GRIA4: variants seen among roughly 807,000 people sequenced by gnomAD.
The protein encoded by GRIA4 is glutamate receptor 4.
Under a neutral mutation model 104.0 loss-of-function variants are expected in GRIA4, and 34 were observed. The observed-to-expected ratio is 0.33, with a 90% CI of 0.25 to 0.44. GRIA4 has a LOEUF of 0.44. GRIA4 is among the 20% of genes least tolerant of loss of function. The pLI is 1.00. For synonymous variants in GRIA4, 386 were observed against 381.9 expected (o/e 1.01, Z -0.13); for missense variants, 750 against 1,096.5 (o/e 0.68, Z 4.46).
At chr11:105,755,242 C>T (rs1940233833) in intron 4 of GRIA4, among the ~76,000 whole-genome samples, 1 of 151,698 alleles carries the variant, frequency 6.6e-6, no homozygotes, top group Non-Finnish European at 1.5e-5. Flanking sequence ...TGCCTTTAAT[C>T]CTCTTGCAAA....
intron 3 of GRIA4, among the ~76,000 whole-genome samples, chr11:105,737,162 T>C (rs779973049): frequency 2.6e-5 from 4 of 152,186 alleles, no homozygotes; most frequent in Non-Finnish European, 5.9e-5. Flanking sequence ...TGTATACTTG[T>C]ATAACTTTAA....
At position 105,610,198 on chromosome 11, in the gene GRIA4, G is replaced by A. The variant is rs1565398102; in HGVS notation, c.-321G>A. 1.3e-5 allele frequency: 2 copies of A among 152,374 alleles called. No individual in the cohort carries two copies. Among genetic ancestry groups the A allele is most frequent in the African/African-American group, 2.4e-5 (1 of 41,456 alleles). The allele number at this position is 152,374 out of a possible 1,614,324, so 9.4% of individuals were successfully genotyped here. Reference sequence around the variant, plus strand: ...GGGCATGGGGAGGTACTAACCCCCCGGAGCCCCCGATTGGGGCTTGCAGAC... The same window carrying A: ...GGGCATGGGGAGGTACTAACCCCCCAGAGCCCCCGATTGGGGCTTGCAGAC... On this transcript the variant is annotated 5_prime_UTR_variant, in exon 1 of 17. Transcript: ENST00000282499.
At position 105,924,556 on chromosome 11, in the gene GRIA4, A is replaced by G; in HGVS notation, c.1634A>G (p.Tyr545Cys). ...TTTTCCTTCTTGGATCCTCTGGCCT[A>G]TGAGATTTGGATGTGCATAGTCTTT... ...GVFSFLDPLA[Y>C]EIWMCIVFAY... Residue 545 changes from tyrosine to cysteine, a missense_variant, in exon 12 of 17, where the codon TAT becomes TGT. This residue lies in a region of GRIA4 where 272 missense variants were observed against 524.5 expected (regional missense o/e 0.52). Coordinates refer to ENST00000282499, the MANE Select transcript of GRIA4 (RefSeq NM_000829.4). 3 of 1,613,178 alleles carry G rather than the reference A, an allele frequency of 1.9e-6. No homozygotes were observed. Among genetic ancestry groups the G allele is most frequent in the East Asian group, 2.2e-5 (1 of 44,866 alleles).
Position 105,964,846 on chromosome 11 carries a change from G to T in GRIA4, c.2295-7068G>T, listed in dbSNP as rs187796611. ...TTTGAGACGAAGTTTTGCTCTTGTC[G>T]CCCAGGCTGGGGTGCAATGGCACAA... On this transcript the variant is annotated intron_variant, in intron 14 of 16. Coordinates refer to ENST00000282499, the MANE Select transcript of GRIA4 (RefSeq NM_000829.4). 3.6e-3 allele frequency among the ~76,000 whole-genome samples: 524 copies of T among 147,576 alleles called. 4 individuals are homozygous for T. Among genetic ancestry groups the T allele is most frequent in the African/African-American group, 0.013 (501 of 39,936 alleles).
chr11:105,751,229 C>T lies in GRIA4; in HGVS notation c.248-1752C>T, dbSNP rs563327943. Among the ~76,000 whole-genome samples the T allele has an allele frequency of 4.7e-4, 71 of 151,938 alleles. 2 individuals are homozygous for T. The South Asian group carries it at 0.014, about 31-fold the overall frequency. On this transcript the variant is annotated intron_variant, in intron 3 of 16. Transcript: ENST00000282499. ...TATCATGTAAAGCTTGAGAGTTGGC[C>T]CTCAGTTTGCAAGAAAATCAGTAGA...
rs1945483655 is a variant in GRIA4 at position 105,867,870 on chromosome 11, AC to A, written c.672+5663del. 2.6e-5 allele frequency among the ~76,000 whole-genome samples: 4 copies of A among 152,154 alleles called. No individual in the cohort carries two copies. In the South Asian group the frequency reaches 8.3e-4, roughly 31 times the overall value. On this transcript the variant is annotated intron_variant, in intron 5 of 16. Coordinates refer to ENST00000282499, the MANE Select transcript of GRIA4 (RefSeq NM_000829.4). ...ATAGGATTCAGTGGCATACACTCTG[AC>A]AGTAGGAATGAGCCAACAACTGTAG... is the stretch of plus-strand genomic sequence containing the variant.
chr11:105,743,438 C>G (rs374073781), intron 3 of GRIA4, among the ~76,000 whole-genome samples: 2 of 152,156 alleles, frequency 1.3e-5, no homozygotes, highest in African/African-American at 2.4e-5. Context: ...ACTTCATCTG[C>G]CAGGTCTCCT....
chr11:105,770,598 T>C (rs1401646276), intron 4 of GRIA4, among the ~76,000 whole-genome samples: 7 of 152,040 alleles, frequency 4.6e-5, no homozygotes, highest in African/African-American at 1.7e-4. Flanking sequence ...TATTTTCCAG[T>C]TGCCAAGTAG....
At chr11:105,654,747 C>T (rs1951792187) in intron 3 of GRIA4, among the ~76,000 whole-genome samples, 1 of 152,132 alleles carries the variant, frequency 6.6e-6, no homozygotes, top group Non-Finnish European at 1.5e-5. Flanking sequence ...CTTACAATGA[C>T]TGAGAAAGTT....
At chr11:105,949,662 A>G (rs1330660757) in intron 14 of GRIA4, among the ~76,000 whole-genome samples, 1 of 152,242 alleles carries the variant, frequency 6.6e-6, no homozygotes, top group Non-Finnish European at 1.5e-5. Flanking sequence ...TACAAATATT[A>G]GCAAATGAAT....
chr11:105,647,107 G>A (rs1345255433), intron 3 of GRIA4, among the ~76,000 whole-genome samples: 1 of 151,828 alleles, frequency 6.6e-6, no homozygotes, highest in Non-Finnish European at 1.5e-5. Context: ...TTACAAGAAA[G>A]AAATAAACCC....
chr11:105,634,467 GGGAAAGAAA>G (rs1565419749), intron 3 of GRIA4, among the ~76,000 whole-genome samples: 2 of 90,216 alleles, frequency 2.2e-5, no homozygotes, highest in African/African-American at 8.8e-5. Context: ...AAGAAAGAAA[GGGAAAGAAA>G]GAAAGAAAGA....
In GRIA4 at chr11:105,610,997, G is replaced by C; in HGVS notation, c.-1G>C. The C allele has an allele frequency of 1.2e-6, 2 of 1,606,784 alleles. No homozygotes were observed. The highest frequency in any genetic ancestry group is 2.2e-5 in the South Asian group (2 of 90,896). ...GCGCGCCAGGGAGAGGAGAAAAGAA[G>C]ATGAGGATTATTTCCAGACAGATTG... is the stretch of plus-strand genomic sequence containing the variant. On this transcript the variant is annotated 5_prime_UTR_variant, in exon 2 of 17. Transcript: ENST00000282499.
At chr11:105,931,923 A>T (rs1224315881) in intron 13 of GRIA4, among the ~76,000 whole-genome samples, 3 of 152,164 alleles carry the variant, frequency 2.0e-5, no homozygotes, top group Non-Finnish European at 4.4e-5. Context: ...TATGTTGATT[A>T]GTAAAGAACT....
intron 3 of GRIA4, among the ~76,000 whole-genome samples, chr11:105,660,462 A>C (rs1349327252): frequency 6.6e-6 from 1 of 151,634 alleles, no homozygotes; most frequent in East Asian, 1.9e-4. Flanking sequence ...TATCAATCAA[A>C]TTTGAGAGTA....
At chr11:105,722,180 A>T (rs1321537521) in intron 3 of GRIA4, among the ~76,000 whole-genome samples, 2 of 152,154 alleles carry the variant, frequency 1.3e-5, no homozygotes, top group East Asian at 1.9e-4. Flanking sequence ...ATATTTCTGT[A>T]TACAGACAGT....
chr11:105,906,676 C>A (rs1296616028), intron 9 of GRIA4, among the ~76,000 whole-genome samples: 1 of 152,142 alleles, frequency 6.6e-6, no homozygotes, highest in Non-Finnish European at 1.5e-5. Flanking sequence ...AAGCTGGAGC[C>A]TACCTGATCC....
chr11:105,927,639 G>A (rs562931022), intron 13 of GRIA4, among the ~76,000 whole-genome samples: 14 of 151,850 alleles, frequency 9.2e-5, no homozygotes, highest in Non-Finnish European at 1.8e-4. Context: ...ACCTTCCATC[G>A]GAACAATAGA....
At chr11:105,801,554 A>T (rs1464632679) in intron 4 of GRIA4, among the ~76,000 whole-genome samples, 1 of 152,088 alleles carries the variant, frequency 6.6e-6, no homozygotes, top group Non-Finnish European at 1.5e-5. Context: ...TTAAAGTTAG[A>T]GACATAATTT....
Sources: gnomAD v4.1 joint callset for allele counts (sites outside exome capture counted in the v4.1 genomes callset) on GRCh38, gnomAD v4.1.1 for gene constraint, gnomAD v4.1.1 regional missense constraint, MANE v1.5 for transcripts, NCBI Gene and HGNC (gene_info 2026-07-23, HGNC 2026-07-21) for gene names.